The following SEC16A variants were observed in gnomAD, a reference collection of about 807,000 sequenced individuals.
SEC16A encodes the protein protein transport protein Sec16A.
SEC16A carries 110 observed loss-of-function variants against 221.9 expected under a neutral mutation model. The ratio of observed to expected loss-of-function variants is 0.50; its 90% CI spans 0.42 to 0.58. The LOEUF (loss-of-function observed/expected upper bound fraction) is 0.58. Ranked by LOEUF, SEC16A falls within the 20% of genes least tolerant of loss-of-function variation. The pLI, the probability that SEC16A is intolerant of heterozygous loss-of-function variation, is 0.00. For missense variants in SEC16A, 3,165 were observed against 3,097.8 expected (o/e 1.02, Z -0.52); for synonymous variants, 1,393 against 1,257.7 (o/e 1.11, Z -2.28).
chr9:136,477,694 A>G lies in SEC16A; in HGVS notation c.-69-10T>C. On this transcript the variant is annotated splice_polypyrimidine_tract_variant and intron_variant, in intron 2 of 31. Transcript: ENST00000684901. ...TGTTCCTTAATTGGAGCTGGAAAAG[A>G]AAAAGAGAAAATCAGCATAAAATCC... 6.9e-7 allele frequency: 1 copy of G among 1,450,108 alleles called. No homozygotes were observed. The highest frequency in any genetic ancestry group is 9.0e-7 in the Non-Finnish European group (1 of 1,105,314). The allele number at this position is 1,450,108 out of a possible 1,614,324, so 89.8% of individuals were successfully genotyped here. A position where few individuals can be genotyped will look rare whatever the true frequency, so the allele number is the denominator to read the frequency against.
intron 1 of SEC16A, among the ~76,000 whole-genome samples, chr9:136,480,106 A>G (rs117919958): frequency 6.6e-6 from 1 of 152,376 alleles, no homozygotes; most frequent in East Asian, 1.9e-4. Flanking sequence ...CTGAAAACAA[A>G]GAATGTTCAC....
Position 136,477,437 on chromosome 9 carries a change from T to A in SEC16A, c.179A>T (p.Gln60Leu). Residue 60 changes from glutamine to leucine, a missense_variant, in exon 3 of 32, where the codon CAG (glutamine) becomes CTG (leucine). By Grantham distance (113) the Gln-to-Leu change is moderately radical. Coordinates refer to ENST00000684901, the MANE Select transcript of SEC16A (RefSeq NM_014866.2). ...GCCCAGTGGTGTACTTTGGAGCGCC[T>A]GTCTACTAAAAGCAAATGGATCCGT... ...PVTDPFAFSR[Q>L]ALQSTPLGSS... 1 of 1,614,008 alleles carries A rather than the reference T, an allele frequency of 6.2e-7. No homozygotes were observed. Among genetic ancestry groups the A allele is most frequent in the Admixed American group, 1.7e-5 (1 of 60,024 alleles).
chr9:136,464,485 T>C lies in SEC16A; in HGVS notation c.4381A>G (p.Ile1461Val), dbSNP rs760626765. 4.2e-5 allele frequency: 68 copies of C among 1,612,850 alleles called. No homozygotes were observed. Among genetic ancestry groups the C allele is most frequent in the Non-Finnish European group, 5.5e-5 (65 of 1,179,068 alleles). ...CARFGPGGQL[I>V]KVIPNLPSEG... ...GAAGGCAGATTGGGAATCACTTTGA[T>C]AAGCTGACCGCCAGGGCCAAACCTG... Residue 1461 changes from isoleucine (I) to valine (V), a missense_variant, in exon 9 of 32, where the codon ATC (isoleucine) becomes GTC (valine). Ile to Val is a conservative substitution (Grantham distance 29, BLOSUM62 3). Around this residue, in one of 3 missense-constraint regions of SEC16A, gnomAD observed 2,030 missense variants for 1,923.1 expected, o/e 1.06. Coordinates refer to ENST00000684901, the MANE Select transcript of SEC16A (RefSeq NM_014866.2).
In SEC16A at chr9:136,475,208, A is replaced by C. The variant is rs769438475; in HGVS notation, c.2408T>G (p.Leu803Arg). 6.2e-7 allele frequency: 1 copy of C among 1,613,624 alleles called. No individual in the cohort carries two copies. The highest frequency in any genetic ancestry group is 2.2e-5 in the East Asian group (1 of 44,896). ...NPPKMGEEEA[L>R]QSQASSGYAS... ...ATAACCAGAACTCGCCTGGGACTGAAGGGCCTCCTCCTCTCCCATTTTGGG... is the reference window on the plus strand; with the variant it reads ...ATAACCAGAACTCGCCTGGGACTGACGGGCCTCCTCCTCTCCCATTTTGGG... The change falls in exon 3 of 32, where the codon CTT becomes CGT. Residue 803 changes from leucine to arginine, a missense_variant. Physicochemically the swap from Leu to Arg is moderately radical, Grantham distance 102. Coordinates refer to ENST00000684901, the MANE Select transcript of SEC16A (RefSeq NM_014866.2). This position sits in a 1 kb window ranked among gnomAD's most constrained non-coding sequence, Gnocchi z 5.0.
At chr9:136,451,118 G>T in intron 23 of SEC16A, 138 bp downstream of exon 23, 1 of 854,226 alleles carries the variant, frequency 1.2e-6, no homozygotes, top group Non-Finnish European at 1.8e-6. Flanking sequence ...ATCATGCCGT[G>T]TGCACTGTAG....
chr9:136,452,394 G>C (rs556501101), intron 22 of SEC16A, among the ~76,000 whole-genome samples: 2 of 136,250 alleles, frequency 1.5e-5, no homozygotes, highest in African/African-American at 2.8e-5. Flanking sequence ...AGGATGCAGT[G>C]AGCCAAGATC....
chr9:136,476,611 G>T lies in SEC16A; in HGVS notation c.1005C>A (p.Asn335Lys). 1 of 1,595,220 alleles carries T rather than the reference G, an allele frequency of 6.3e-7. No individual in the cohort carries two copies. The highest frequency in any genetic ancestry group is 8.6e-7 in the Non-Finnish European group (1 of 1,168,576). ...NEHRPASALV[N>K]PLARGDSPEN... ...CTGGGCTATCTCCCCGGGCGAGGGG[G>T]TTCACAAGAGCAGAGGCGGGCCGGT... The change falls in exon 3 of 32, where the codon AAC (asparagine) becomes AAA (lysine). Residue 335 changes from asparagine (N) to lysine (K), a missense_variant. Transcript: ENST00000684901.
Position 136,451,376 on chromosome 9 carries a change from G to C in SEC16A, c.6192C>G (p.Ala2064=), listed in dbSNP as rs376849328. The stretch of plus-strand genomic sequence containing the variant: ...AGTCGGCACGATCCCACCCTGGGGG[G>C]GCCTCCGAGTCTGGCACCGTCCTCG... The part of the protein sequence containing the change: ...TPSRTVPDSE[A]PPGWDRADSG... The change falls in exon 23 of 32, where the codon GCC becomes GCG. Residue 2064 remains alanine (A), a synonymous_variant. Coordinates refer to ENST00000684901, the MANE Select transcript of SEC16A (RefSeq NM_014866.2). The C allele has an allele frequency of 2.5e-6, 4 of 1,612,064 alleles. No homozygotes were observed. The African/African-American group carries it at 4.0e-5, about 16-fold the overall frequency.
At chr9:136,444,448 G>A (rs75567969) in intron 30 of SEC16A, among the ~76,000 whole-genome samples, 6,593 of 152,262 alleles carry the variant, frequency 0.043, 378 homozygotes, top group African/African-American at 0.13. Flanking sequence ...CATCCTGACC[G>A]GGGAAACACT....
upstream of SEC16A, among the ~76,000 whole-genome samples, chr9:136,483,343 C>A: frequency 6.8e-6 from 1 of 146,004 alleles, no homozygotes; most frequent in African/African-American, 2.5e-5. Flanking sequence ...GGCCCCGCCC[C>A]TCTTCCGTCG....
intron 21 of SEC16A, among the ~76,000 whole-genome samples, chr9:136,453,836 C>T (rs73670274): frequency 0.01 from 1,563 of 152,274 alleles, 22 homozygotes; most frequent in African/African-American, 0.035. Context: ...AAAGACAGAC[C>T]CCAGGAGACC....
At chr9:136,453,217 T>G (rs561736856) in intron 22 of SEC16A, among the ~76,000 whole-genome samples, 4 of 152,328 alleles carry the variant, frequency 2.6e-5, no homozygotes, top group African/African-American at 9.6e-5. Flanking sequence ...TACTGAATTC[T>G]CTCTTCCCCA....
Position 136,475,049 on chromosome 9 carries a change from T to G in SEC16A, c.2567A>C (p.Asn856Thr). ...SVSLSNSHEK[N>T]QSWREALVGD... ...CACCAAAGCCTCTCTCCAGGACTGATTCTTCTCATGAGAGTTCGATAAGGA... is the reference window on the plus strand; with the variant it reads ...CACCAAAGCCTCTCTCCAGGACTGAGTCTTCTCATGAGAGTTCGATAAGGA... The change falls in exon 3 of 32, where the codon AAT becomes ACT. Residue 856 changes from asparagine (N) to threonine (T), a missense_variant. Transcript: ENST00000684901. The surrounding 1 kb of genome is among the most constrained non-coding windows in gnomAD (Gnocchi z 5.0). 1.2e-6 allele frequency: 2 copies of G among 1,613,314 alleles called. No individual in the cohort carries two copies. The highest frequency in any genetic ancestry group is 1.7e-6 in the Non-Finnish European group (2 of 1,179,812).
At chr9:136,482,420 A>G (rs754517158) in intron 1 of SEC16A, among the ~76,000 whole-genome samples, 124 of 152,208 alleles carry the variant, frequency 8.1e-4, no homozygotes, top group Non-Finnish European at 1.9e-4. Flanking sequence ...GCTCTACTGT[A>G]ACACTTCCAT....
Position 136,474,652 on chromosome 9 carries a change from T to C in SEC16A, c.2964A>G (p.Glu988=). The change falls in exon 3 of 32, where the codon GAA becomes GAG. Residue 988 remains glutamate, a synonymous_variant. Transcript: ENST00000684901. The part of the protein sequence containing the change: ...GNKANHSSHQ[E]DTYGALDFTL... ...TAAAGTCTAGGGCTCCGTAAGTGTCTTCCTGATGACTGGAATGGTTTGCCT... is the reference window on the plus strand; with the variant it reads ...TAAAGTCTAGGGCTCCGTAAGTGTCCTCCTGATGACTGGAATGGTTTGCCT... 2 of 1,613,616 alleles carry C rather than the reference T, an allele frequency of 1.2e-6. No individual in the cohort carries two copies. The highest frequency in any genetic ancestry group is 1.7e-6 in the Non-Finnish European group (2 of 1,179,886).
chr9:136,464,598 C>T, intron 8 of SEC16A, 36 bp from the exon 9 acceptor site: 1 of 1,567,264 alleles, frequency 6.4e-7, no homozygotes, highest in Non-Finnish European at 8.7e-7. Context: ...AAACAATCAG[C>T]TTGTCACTGA....
intron 19 of SEC16A, 115 bp downstream of exon 19, chr9:136,455,938 A>T: frequency 8.5e-7 from 1 of 1,180,606 alleles, no homozygotes; most frequent in Non-Finnish European, 1.2e-6. Context: ...GAATTCTCAT[A>T]GGCACACGTT....
At chr9:136,463,289 G>A (rs1588951363) in intron 11 of SEC16A, among the ~76,000 whole-genome samples, 157 bp from the exon 12 acceptor site, 1 of 152,152 alleles carries the variant, frequency 6.6e-6, no homozygotes, top group African/African-American at 2.4e-5. Flanking sequence ...CATCCCAACC[G>A]CACGTTCCCT....
At position 136,476,877 on chromosome 9, in the gene SEC16A, C is replaced by T. The variant is rs745642879; in HGVS notation, c.739G>A (p.Val247Ile). 7.4e-6 allele frequency: 12 copies of T among 1,612,038 alleles called. No individual in the cohort carries two copies. Among genetic ancestry groups the T allele is most frequent in the South Asian group, 3.3e-5 (3 of 91,060 alleles). ...ATGGACGGGGTGGGGAAATGAGGAA[C>T]GCTGGTGGCACAGGGCACCCCGCTG... ...VPSGVPCATS[V>I]PHFPTPSILH... is the part of the protein sequence containing the mutation. The change falls in exon 3 of 32, where the codon GTT becomes ATT. Residue 247 changes from valine (V) to isoleucine (I), a missense_variant. Transcript: ENST00000684901.
Sources: allele counts gnomAD v4.1 joint callset (sites outside exome capture counted in the v4.1 genomes callset), GRCh38; gene constraint gnomAD v4.1.1; regional missense constraint gnomAD v4.1.1; non-coding constraint Gnocchi (gnomAD v3.1); transcripts MANE v1.5; gene names NCBI Gene and HGNC (gene_info 2026-07-23, HGNC 2026-07-21).